Variants in WDR27 observed in about 807,000 individuals in gnomAD.
WDR27 encodes the protein WD repeat domain 27, also known as WD repeat-containing protein 27.
In WDR27, 100 loss-of-function variants were observed where a neutral mutation model predicts 114.4. The ratio of observed to expected loss-of-function variants is 0.87; its 90% CI spans 0.74 to 1.03. WDR27 has a LOEUF of 1.03. Ranked by LOEUF, WDR27 falls within the 50% of genes least tolerant of loss-of-function variation. The pLI, the probability that WDR27 is intolerant of heterozygous loss-of-function variation, is 0.00. For missense variants in WDR27, 1,129 were observed against 1,092.9 expected, an observed-to-expected ratio of 1.03 and a Z score of -0.47; for synonymous variants, 449 against 423.1, an observed-to-expected ratio of 1.06 and a Z score of -0.75.
intron 25 of WDR27, among the ~76,000 whole-genome samples, chr6:169,527,037 C>A (rs185257682): frequency 4.6e-5 from 7 of 152,202 alleles, no homozygotes; most frequent in African/African-American, 1.7e-4. Context: ...TCCTTATACA[C>A]GGCTAGTGGG....
At chr6:169,652,105 C>A in intron 13 of WDR27, 97 bp from the exon 14 acceptor site, 3 of 1,053,894 alleles carry the variant, frequency 2.8e-6, no homozygotes, top group Non-Finnish European at 2.8e-6. Context: ...CAGAAACATT[C>A]ACACAAACAG....
chr6:169,565,239 G>A (rs1337399905), intron 25 of WDR27, among the ~76,000 whole-genome samples: 1 of 152,164 alleles, frequency 6.6e-6, no homozygotes, highest in Non-Finnish European at 1.5e-5. Flanking sequence ...GAGACTGAAG[G>A]CCAGTTTCCA....
At chr6:169,501,911 A>G (rs537493009) in intron 25 of WDR27, among the ~76,000 whole-genome samples, 2 of 152,310 alleles carry the variant, frequency 1.3e-5, no homozygotes, top group African/African-American at 4.8e-5. Flanking sequence ...GAATCCAGCT[A>G]TTCCAGATCT....
chr6:169,578,523 T>C (rs1300271271), intron 24 of WDR27, among the ~76,000 whole-genome samples: 1 of 152,208 alleles, frequency 6.6e-6, no homozygotes, highest in South Asian at 2.1e-4. Flanking sequence ...TACAATTGTG[T>C]GCAGCACTTA....
At chr6:169,511,166 A>G (rs902277031) in intron 25 of WDR27, among the ~76,000 whole-genome samples, 1 of 152,180 alleles carries the variant, frequency 6.6e-6, no homozygotes, top group African/African-American at 2.4e-5. Flanking sequence ...ACATTTCAAA[A>G]TCCATTTAGC....
intron 25 of WDR27, among the ~76,000 whole-genome samples, chr6:169,544,357 A>G (rs1420773541): frequency 6.6e-6 from 1 of 152,154 alleles, no homozygotes; most frequent in Non-Finnish European, 1.5e-5. Context: ...AACTCTTAGA[A>G]CTAATAAGTA....
intron 25 of WDR27, among the ~76,000 whole-genome samples, chr6:169,466,179 G>C (rs537013599): frequency 6.6e-6 from 1 of 152,142 alleles, no homozygotes; most frequent in Non-Finnish European, 1.5e-5. Flanking sequence ...CCAATATATT[G>C]GTTAGGATAA....
intron 25 of WDR27, among the ~76,000 whole-genome samples, chr6:169,551,718 TAA>T (rs1056364697): frequency 2.1e-5 from 2 of 95,384 alleles, no homozygotes; most frequent in Non-Finnish European, 3.9e-5. Flanking sequence ...GCCTGGGCAA[TAA>T]GAGCGAGACT....
At chr6:169,664,546 C>T in intron 7 of WDR27, 1 of 1,331,028 alleles carries the variant, frequency 7.5e-7, no homozygotes, top group Non-Finnish European at 9.6e-7. Flanking sequence ...GTGCAGGCCT[C>T]CCCAAGATGC....
At chr6:169,694,780 G>A (rs964700150) in intron 1 of WDR27, among the ~76,000 whole-genome samples, 11 of 152,264 alleles carry the variant, frequency 7.2e-5, no homozygotes, top group African/African-American at 2.7e-4. Flanking sequence ...CTGTTCCTAT[G>A]CAGTGGCAAA....
chr6:169,685,624 A>G (rs1782714199), intron 2 of WDR27, among the ~76,000 whole-genome samples: 1 of 152,220 alleles, frequency 6.6e-6, no homozygotes, highest in Non-Finnish European at 1.5e-5. Context: ...CGCTGAAGAA[A>G]GAATTTCTGA....
chr6:169,637,793 C>T (rs1230269589), intron 18 of WDR27, among the ~76,000 whole-genome samples: 3 of 147,890 alleles, frequency 2.0e-5, no homozygotes, highest in African/African-American at 5.1e-5. Context: ...GTGCCTACTG[C>T]GTGTGTCTGA....
At chr6:169,579,480 C>A (rs1803003662) in intron 24 of WDR27, among the ~76,000 whole-genome samples, 1 of 152,132 alleles carries the variant, frequency 6.6e-6, no homozygotes, top group Admixed American at 6.5e-5. Flanking sequence ...CATGACCCTG[C>A]TGATCAAAAC....
the WDR27 span, among the ~76,000 whole-genome samples, chr6:169,433,630 G>A: frequency 1.3e-5 from 2 of 152,206 alleles, no homozygotes; most frequent in African/African-American, 4.8e-5. Context: ...TGGGTCAAAT[G>A]GTATTCCTGG....
At chr6:169,546,418 G>A (rs991813029) in intron 25 of WDR27, among the ~76,000 whole-genome samples, 1 of 152,118 alleles carries the variant, frequency 6.6e-6, no homozygotes, top group Non-Finnish European at 1.5e-5. Flanking sequence ...CAGCCTCCAC[G>A]TGCACTCCCT....
chr6:169,538,664 T>C (rs1453857220), intron 25 of WDR27, among the ~76,000 whole-genome samples: 1 of 151,758 alleles, frequency 6.6e-6, no homozygotes, highest in African/African-American at 2.4e-5. Flanking sequence ...GGTTTATTTA[T>C]ATAGGCCTGC....
chr6:169,466,470 TA>T (rs1172427475), intron 25 of WDR27, among the ~76,000 whole-genome samples: 1 of 152,154 alleles, frequency 6.6e-6, no homozygotes, highest in African/African-American at 2.4e-5. Context: ...AAACCCCTTA[TA>T]AAACCATCAG....
At chr6:169,666,537 C>T in intron 6 of WDR27, 1 of 985,550 alleles carries the variant, frequency 1.0e-6, no homozygotes, top group African/African-American at 1.7e-5. Flanking sequence ...GGAGGACAAG[C>T]ACAGGGGCTG....
At chr6:169,667,048 C>G (rs1828022312) in intron 6 of WDR27, 88 bp downstream of exon 6, 1 of 1,379,398 alleles carries the variant, frequency 7.2e-7, no homozygotes, top group East Asian at 2.9e-5. Flanking sequence ...TCGAATGTCC[C>G]AGCTCCATCT....
Sources: allele counts gnomAD v4.1 joint callset (sites outside exome capture counted in the v4.1 genomes callset), GRCh38; gene constraint gnomAD v4.1.1; transcripts MANE v1.5; gene names NCBI Gene and HGNC (gene_info 2026-07-23, HGNC 2026-07-21).